Variants in CHIC2 observed in about 807,000 individuals in gnomAD.
The protein encoded by CHIC2 is cysteine rich hydrophobic domain 2, also known as cysteine-rich hydrophobic domain-containing protein 2.
Under a neutral mutation model 25.9 loss-of-function variants are expected in CHIC2, and 14 were observed. The ratio of observed to expected loss-of-function variants is 0.54; its 90% confidence interval spans 0.36 to 0.85. CHIC2 has a LOEUF of 0.85. CHIC2 is among the 40% of genes least tolerant of loss of function. CHIC2 has a pLI of 0.01. For synonymous variants in CHIC2, 70 were observed against 72.0 expected (o/e 0.97, Z 0.14); for missense variants, 146 against 202.0 (o/e 0.72, Z 1.68).
chr4:54,023,738 A>G (rs1365156657), intron 3 of CHIC2, among the ~76,000 whole-genome samples: 2 of 152,136 alleles, frequency 1.3e-5, no homozygotes, highest in Non-Finnish European at 2.9e-5. Flanking sequence ...ACTACCTCTC[A>G]GCAAGGCGAA....
chr4:54,087,437 G>A, the CHIC2 span: 6 of 622,358 alleles, frequency 9.6e-6, no homozygotes, highest in African/African-American at 5.7e-5. Flanking sequence ...GGGAAACGTC[G>A]ATAATAAGGC....
the CHIC2 span, among the ~76,000 whole-genome samples, chr4:54,080,188 G>GTA: frequency 3.7e-4 from 54 of 147,752 alleles, 1 homozygote; most frequent in East Asian, 6.3e-3. Flanking sequence ...ATATATATGT[G>GTA]TATATATATG....
At chr4:54,085,305 G>A in the CHIC2 span, among the ~76,000 whole-genome samples, 2 of 151,986 alleles carry the variant, frequency 1.3e-5, no homozygotes, top group Non-Finnish European at 2.9e-5. Context: ...AACAGCTATT[G>A]ATTTTAATTA....
At chr4:54,057,328 T>C (rs1227095490) in intron 1 of CHIC2, among the ~76,000 whole-genome samples, 2 of 152,188 alleles carry the variant, frequency 1.3e-5, no homozygotes, top group African/African-American at 2.4e-5. Flanking sequence ...TGGCCCCTAC[T>C]GAACCCTCCA....
At chr4:54,036,136 C>A (rs1368972146) in intron 3 of CHIC2, among the ~76,000 whole-genome samples, 2 of 152,112 alleles carry the variant, frequency 1.3e-5, no homozygotes, top group Non-Finnish European at 2.9e-5. Context: ...TCTCAGTGAT[C>A]TGTATGTACT....
chr4:54,037,175 C>T (rs552601191), intron 3 of CHIC2, among the ~76,000 whole-genome samples: 1 of 151,872 alleles, frequency 6.6e-6, no homozygotes, highest in Admixed American at 6.6e-5. Flanking sequence ...GAGATGAAAC[C>T]CTGTCTCTAC....
the CHIC2 span, among the ~76,000 whole-genome samples, chr4:54,080,172 A>ATG: frequency 1.5e-5 from 2 of 131,792 alleles, no homozygotes; most frequent in Non-Finnish European, 1.7e-5. Context: ...GTATATATAT[A>ATG]TGTGTATATA....
At position 54,030,467 on chromosome 4, in the gene CHIC2, G is replaced by A. The variant is rs1716190351; in HGVS notation, c.331-16348C>T. Among the ~76,000 whole-genome samples, 5 of 149,452 alleles carry A rather than the reference G, an allele frequency of 3.3e-5. No individual in the cohort carries two copies. The South Asian group carries it at 1.1e-3, about 32-fold the overall frequency. On this transcript the variant is annotated intron_variant, in intron 3 of 5. Transcript: ENST00000263921. ...GAGCCCAGGAGGTCCAGGCTGCAGT[G>A]AGCCATGATCATGCCACTGCACTCC... is the stretch of plus-strand genomic sequence containing the variant.
chr4:54,044,140 C>G (rs1225805306), intron 3 of CHIC2, among the ~76,000 whole-genome samples: 1 of 152,098 alleles, frequency 6.6e-6, no homozygotes, highest in Non-Finnish European at 1.5e-5. Flanking sequence ...ACAGGAGCAC[C>G]CAGACTCATA....
chr4:54,023,523 A>C (rs553486322), intron 3 of CHIC2, among the ~76,000 whole-genome samples: 1 of 152,170 alleles, frequency 6.6e-6, no homozygotes, highest in South Asian at 2.1e-4. Context: ...TGGATACCAC[A>C]CCTGACCCCC....
chr4:54,032,378 GC>G (rs1473474796), intron 3 of CHIC2, among the ~76,000 whole-genome samples: 7 of 147,866 alleles, frequency 4.7e-5, no homozygotes, highest in African/African-American at 1.8e-4. Context: ...TGATTCTCCT[GC>G]CTCAGCCTGC....
chr4:54,025,201 T>G (rs925648668), intron 3 of CHIC2, among the ~76,000 whole-genome samples: 4 of 152,248 alleles, frequency 2.6e-5, no homozygotes, highest in Middle Eastern at 3.4e-3. Context: ...CAACTGAAGA[T>G]CCACAAAAGA....
the CHIC2 span, among the ~76,000 whole-genome samples, chr4:54,080,166 ATATATATGTGTATATATATGTG>A: frequency 7.5e-6 from 1 of 132,968 alleles, no homozygotes; most frequent in Non-Finnish European, 1.6e-5. Flanking sequence ...GTATGTGTAT[ATATATATGTGTATATATATGTG>A]TATATATATG....
At chr4:54,046,116 G>A (rs1472796126) in intron 3 of CHIC2, among the ~76,000 whole-genome samples, 3 of 152,026 alleles carry the variant, frequency 2.0e-5, no homozygotes, top group African/African-American at 7.3e-5. Context: ...CCTCTTCAAG[G>A]AGAACTACAA....
At chr4:54,035,386 G>A (rs1469174293) in intron 3 of CHIC2, among the ~76,000 whole-genome samples, 1 of 152,126 alleles carries the variant, frequency 6.6e-6, no homozygotes, top group Non-Finnish European at 1.5e-5. Context: ...TTTGTTGGAA[G>A]TTTTTAAATT....
intron 3 of CHIC2, among the ~76,000 whole-genome samples, chr4:54,028,485 T>C (rs1190413660): frequency 6.6e-6 from 1 of 152,212 alleles, no homozygotes; most frequent in African/African-American, 2.4e-5. Context: ...ATATCTGATT[T>C]GTAATTTTGT....
intron 3 of CHIC2, among the ~76,000 whole-genome samples, chr4:54,046,452 T>C (rs1404256869): frequency 2.6e-5 from 4 of 151,740 alleles, no homozygotes; most frequent in Non-Finnish European, 5.9e-5. Context: ...CCAAAACAGA[T>C]ATAGACCAAT....
intron 3 of CHIC2, among the ~76,000 whole-genome samples, chr4:54,043,812 T>C (rs531617734): frequency 4.6e-5 from 7 of 152,152 alleles, no homozygotes; most frequent in African/African-American, 1.7e-4. Flanking sequence ...AATAATAACC[T>C]TAAATGTAAA....
chr4:54,049,336 T>TAC (rs1355241396), intron 1 of CHIC2, 31 bp from the exon 2 acceptor site: 19 of 1,450,616 alleles, frequency 1.3e-5, no homozygotes, highest in Non-Finnish European at 1.6e-5. Flanking sequence ...AATATGTTAT[T>TAC]ACATGTTATT....
Sources: gnomAD v4.1 joint callset for allele counts (sites outside exome capture counted in the v4.1 genomes callset) on GRCh38, gnomAD v4.1.1 for gene constraint, MANE v1.5 for transcripts, NCBI Gene and HGNC (gene_info 2026-07-23, HGNC 2026-07-21) for gene names.